Variants in CSMD1 observed in about 807,000 individuals in gnomAD.
CSMD1 encodes CUB and sushi domain-containing protein 1.
CSMD1 carries 213 observed loss-of-function variants against 417.5 expected under a neutral mutation model. The ratio of observed to expected loss-of-function variants is 0.51; its 90% CI spans 0.46 to 0.57. The LOEUF is 0.57. Among genes scored for constraint, CSMD1 ranks in the 20% least tolerant of loss-of-function variants. The pLI, the probability that CSMD1 is intolerant of heterozygous loss-of-function variation, is 0.00. For missense variants in CSMD1, 6,923 were observed against 4,529.7 expected (o/e 1.53, Z -15.17); for synonymous variants, 2,862 against 1,736.8 (o/e 1.65, Z -16.11).
chr8:4,575,346 C>T (rs1201569925), intron 2 of CSMD1, among the ~76,000 whole-genome samples: 3 of 152,120 alleles, frequency 2.0e-5, no homozygotes, highest in Non-Finnish European at 4.4e-5. Flanking sequence ...TAACAGGTCA[C>T]ATTTTTATTA....
At chr8:4,849,456 A>G (rs1476149791) in intron 1 of CSMD1, among the ~76,000 whole-genome samples, 1 of 152,150 alleles carries the variant, frequency 6.6e-6, no homozygotes, top group Non-Finnish European at 1.5e-5. Context: ...TAAAGTCCAC[A>G]ATAGTGAACA....
intron 3 of CSMD1, among the ~76,000 whole-genome samples, chr8:4,301,161 A>G (rs1259242023): frequency 6.6e-6 from 1 of 152,148 alleles, no homozygotes; most frequent in East Asian, 1.9e-4. Flanking sequence ...GTTGTGATGG[A>G]AAAGAACGCT....
intron 10 of CSMD1, among the ~76,000 whole-genome samples, chr8:3,556,414 T>TATATATATATATATATATATA (rs1349911850): frequency 8.1e-4 from 115 of 141,864 alleles, no homozygotes; most frequent in Non-Finnish European, 1.1e-3. Context: ...TATATATATA[T>TATATATATATATATATATATA]TCACACACAC....
At position 4,758,312 on chromosome 8, in the gene CSMD1, T is replaced by A. The variant is rs192411158; in HGVS notation, c.86-120754A>T. 3.2e-3 allele frequency among the ~76,000 whole-genome samples: 490 copies of A among 152,338 alleles called. 1 individual carries two copies. Among genetic ancestry groups the A allele is most frequent in the Non-Finnish European group, 5.7e-3 (388 of 68,030 alleles). ...GTTGCCTTTTGAATGTTATGCTTAA[T>A]TCGCTGGTTCTGATTCTTTGTGTTA... On this transcript the variant is annotated intron_variant, in intron 1 of 69. Coordinates refer to ENST00000635120, the MANE Select transcript of CSMD1 (RefSeq NM_033225.6).
At chr8:3,205,043 G>A (rs2116750538) in intron 31 of CSMD1, among the ~76,000 whole-genome samples, 1 of 152,184 alleles carries the variant, frequency 6.6e-6, no homozygotes, top group Non-Finnish European at 1.5e-5. Context: ...GACTCTGCCT[G>A]CTTCTCCGTC....
At chr8:4,911,987 G>T (rs1054330360) in intron 1 of CSMD1, among the ~76,000 whole-genome samples, 1 of 151,258 alleles carries the variant, frequency 6.6e-6, no homozygotes, top group Non-Finnish European at 1.5e-5. Context: ...TTCTCCACAA[G>T]AAGTACGTAC....
chr8:3,878,955 G>C (rs1411456173), intron 5 of CSMD1, among the ~76,000 whole-genome samples: 2 of 152,062 alleles, frequency 1.3e-5, no homozygotes, highest in East Asian at 1.9e-4. Flanking sequence ...ATATGACTAA[G>C]TTTTTAAAAT....
At chr8:3,518,964 T>C (rs1797392552) in intron 10 of CSMD1, among the ~76,000 whole-genome samples, 1 of 152,228 alleles carries the variant, frequency 6.6e-6, no homozygotes, top group African/African-American at 2.4e-5. Context: ...ACAACAATGT[T>C]ATGTAGCACT....
intron 2 of CSMD1, among the ~76,000 whole-genome samples, chr8:4,472,928 C>G (rs2130066357): frequency 6.6e-6 from 1 of 151,962 alleles, no homozygotes; most frequent in South Asian, 2.1e-4. Flanking sequence ...ATAATTTACA[C>G]TCCATTCTAT....
intron 3 of CSMD1, among the ~76,000 whole-genome samples, chr8:4,051,863 T>C (rs999313383): frequency 4.1e-4 from 14 of 34,452 alleles, no homozygotes; most frequent in Non-Finnish European, 4.6e-4. Flanking sequence ...TCTCTTTCTT[T>C]CTTTCCTTCC....
At chr8:2,991,523 T>G (rs984650578) in intron 54 of CSMD1, among the ~76,000 whole-genome samples, 2 of 152,222 alleles carry the variant, frequency 1.3e-5, no homozygotes, top group Non-Finnish European at 2.9e-5. Flanking sequence ...AGAGAAAACA[T>G]TTCTTTAAAA....
At chr8:4,173,477 A>C (rs796332878) in intron 3 of CSMD1, among the ~76,000 whole-genome samples, 2 of 152,234 alleles carry the variant, frequency 1.3e-5, no homozygotes, top group South Asian at 2.1e-4. Context: ...AGTAAGTTGG[A>C]TCTAGAGACA....
chr8:4,531,071 G>C (rs140311450), intron 2 of CSMD1, among the ~76,000 whole-genome samples: 2 of 152,058 alleles, frequency 1.3e-5, no homozygotes, highest in African/African-American at 2.4e-5. Flanking sequence ...ATCATTTTTT[G>C]TTACTATAAA....
At chr8:4,793,891 G>A (rs1028637595) in intron 1 of CSMD1, among the ~76,000 whole-genome samples, 5 of 151,668 alleles carry the variant, frequency 3.3e-5, no homozygotes, top group African/African-American at 1.2e-4. Flanking sequence ...GAATGATCAG[G>A]TAGCATGTCT....
chr8:4,389,610 T>A (rs1803708763), intron 3 of CSMD1, among the ~76,000 whole-genome samples: 1 of 152,146 alleles, frequency 6.6e-6, no homozygotes, highest in Non-Finnish European at 1.5e-5. Flanking sequence ...GAAGTCAAAC[T>A]TCTCTACAAA....
chr8:3,907,943 T>TG (rs1418107256), intron 5 of CSMD1, among the ~76,000 whole-genome samples: 6 of 152,192 alleles, frequency 3.9e-5, no homozygotes, highest in Admixed American at 1.3e-4. Context: ...ATTGATTTTT[T>TG]TGGGGGGTGT....
chr8:3,445,468 C>T (rs1815239673), intron 12 of CSMD1, among the ~76,000 whole-genome samples: 1 of 152,158 alleles, frequency 6.6e-6, no homozygotes, highest in Non-Finnish European at 1.5e-5. Flanking sequence ...TCAACTTAAA[C>T]ACACAGCTCG....
At chr8:2,996,948 G>A (rs530114396) in intron 54 of CSMD1, among the ~76,000 whole-genome samples, 1 of 152,342 alleles carries the variant, frequency 6.6e-6, no homozygotes, top group Admixed American at 6.5e-5. Context: ...AGCTGTGATT[G>A]AAGCAAGCTC....
intron 7 of CSMD1, among the ~76,000 whole-genome samples, chr8:3,703,007 C>CT (rs1800954277): frequency 6.6e-6 from 1 of 152,084 alleles, no homozygotes; most frequent in Admixed American, 6.6e-5. Context: ...TTACATTGCA[C>CT]TTTTTCCAAG....
Sources: allele counts gnomAD v4.1 joint callset (sites outside exome capture counted in the v4.1 genomes callset), GRCh38; gene constraint gnomAD v4.1.1; transcripts MANE v1.5; gene names NCBI Gene and HGNC (gene_info 2026-07-23, HGNC 2026-07-21).